The following ABCC1 variants were observed in gnomAD, a reference collection of about 807,000 sequenced individuals.
The protein encoded by ABCC1 is ATP binding cassette subfamily C member 1 (ABCC1 blood group).
ABCC1 carries 83 observed loss-of-function variants against 172.9 expected under a neutral mutation model. The observed-to-expected ratio is 0.48, with a 90% CI of 0.40 to 0.58. The LOEUF (loss-of-function observed/expected upper bound fraction) is 0.58, where lower values mean the gene tolerates loss of function less well. Among genes scored for constraint, ABCC1 ranks in the 20% least tolerant of loss-of-function variants. The pLI is 0.00. For synonymous variants in ABCC1, 937 were observed against 825.2 expected (o/e 1.14, Z -2.32); for missense variants, 1,817 against 2,002.7 (o/e 0.91, Z 1.77).
At position 16,111,554 on chromosome 16, in the gene ABCC1, C is replaced by T. The variant is rs752591113; in HGVS notation, c.3051C>T (p.Ser1017=). The change falls in exon 22 of 31, where the codon AGC becomes AGT. Residue 1017 remains serine (S), a synonymous_variant. Coordinates refer to ENST00000399410, the MANE Select transcript of ABCC1 (RefSeq NM_004996.4). ...GTQEHTKVRL[S]VYGALGISQG... ...AGGAGCACACGAAAGTCCGGCTGAG[C>T]GTCTATGGAGCCCTGGGCATTTCAC... The T allele has an allele frequency of 2.2e-5, 35 of 1,613,562 alleles. No homozygotes were observed. Among genetic ancestry groups the T allele is most frequent in the Admixed American group, 8.3e-5 (5 of 59,994 alleles).
Position 16,056,239 on chromosome 16 carries a change from A to G in ABCC1, c.1621A>G (p.Lys541Glu). 2 of 1,614,220 alleles carry G rather than the reference A, an allele frequency of 1.2e-6. No homozygotes were observed. Among genetic ancestry groups the G allele is most frequent in the Non-Finnish European group, 1.7e-6 (2 of 1,180,040 alleles). ...GCAGGAGGAGCTGAAGGTGCTGAAG[A>G]AGTCTGCCTACCTGTCAGCCGTGGG... The part of the protein sequence containing the change: ...IRQEELKVLK[K>E]SAYLSAVGTF... The change falls in exon 12 of 31, where the codon AAG (lysine) becomes GAG (glutamate). Residue 541 changes from lysine to glutamate, a missense_variant. This residue lies in a region of ABCC1 where 1,412 missense variants were observed against 1,600.3 expected (regional missense o/e 0.88). Coordinates refer to ENST00000399410, the MANE Select transcript of ABCC1 (RefSeq NM_004996.4).
intron 14 of ABCC1, among the ~76,000 whole-genome samples, chr16:16,074,504 C>G (rs1033954540): frequency 3.3e-5 from 5 of 152,166 alleles, no homozygotes; most frequent in African/African-American, 1.2e-4. Context: ...GTTCACAGCT[C>G]AATGCAAGCA....
chr16:16,133,266 AACTGTTCCTACGT>A (rs1355728565), intron 27 of ABCC1, among the ~76,000 whole-genome samples: 3 of 152,132 alleles, frequency 2.0e-5, no homozygotes, highest in Non-Finnish European at 4.4e-5. Flanking sequence ...GGACTTATTG[AACTGTTCCTACGT>A]ACCTCCCACA....
At chr16:16,068,384 A>T in intron 13 of ABCC1, 82 bp downstream of exon 13, 1 of 1,532,786 alleles carries the variant, frequency 6.5e-7, no homozygotes, top group Non-Finnish European at 8.9e-7. Context: ...CCCCGAGCGC[A>T]GCCTCTAGAT....
rs138873550 is a variant in ABCC1, at chr16:16,137,594, A to G, written c.4293-770A>G. Reference sequence around the variant, plus strand: ...TTTTTGAGACGGAGGGTCTCACTCTATCACCCAGGCTGGAGTGCAGTGGCG... The same window carrying G: ...TTTTTGAGACGGAGGGTCTCACTCTGTCACCCAGGCTGGAGTGCAGTGGCG... On this transcript the variant is annotated intron_variant, in intron 29 of 30. Coordinates refer to ENST00000399410, the MANE Select transcript of ABCC1 (RefSeq NM_004996.4). 4.4e-3 allele frequency among the ~76,000 whole-genome samples: 506 copies of G among 113,914 alleles called. 2 individuals carry two copies. The highest frequency in any genetic ancestry group is 0.017 in the African/African-American group (481 of 28,412). The allele number at this position is 113,914 out of a possible 152,430, so 74.7% of individuals were successfully genotyped here. A position where few individuals can be genotyped will look rare whatever the true frequency, so the allele number is the denominator to read the frequency against.
intron 1 of ABCC1, among the ~76,000 whole-genome samples, chr16:15,983,005 T>C (rs1467355212): frequency 1.3e-5 from 2 of 152,076 alleles, no homozygotes; most frequent in Non-Finnish European, 2.9e-5. Flanking sequence ...TGTCATATAA[T>C]GTATAAGGTA....
At chr16:15,953,389 C>T (rs1271304687) in intron 1 of ABCC1, among the ~76,000 whole-genome samples, 1 of 151,942 alleles carries the variant, frequency 6.6e-6, no homozygotes, top group Non-Finnish European at 1.5e-5. Flanking sequence ...TATGGAAAAG[C>T]AGAGGAAACA....
chr16:16,075,680 ACT>A (rs1350438377), intron 14 of ABCC1, among the ~76,000 whole-genome samples: 1 of 151,570 alleles, frequency 6.6e-6, no homozygotes, highest in Admixed American at 6.6e-5. Flanking sequence ...TGTCTCCGAC[ACT>A]CTCCCCTTCC....
intron 1 of ABCC1, among the ~76,000 whole-genome samples, chr16:15,950,127 G>A (rs1249729848): frequency 1.3e-5 from 2 of 151,974 alleles, no homozygotes; most frequent in Non-Finnish European, 2.9e-5. Flanking sequence ...TCCAGGGAAG[G>A]GGACGCTAGA....
At chr16:16,087,016 G>C in intron 18 of ABCC1, 25 bp downstream of exon 18, 2 of 1,613,390 alleles carry the variant, frequency 1.2e-6, no homozygotes, top group Non-Finnish European at 1.7e-6. Flanking sequence ...GGTGGGGCTT[G>C]GTGTTGGGCC....
chr16:16,073,916 G>T (rs1166751351), intron 14 of ABCC1, among the ~76,000 whole-genome samples: 2 of 152,228 alleles, frequency 1.3e-5, no homozygotes, highest in East Asian at 3.9e-4. Context: ...CGCGTGAGCT[G>T]TGTCTGGCAC....
chr16:15,979,288 TCAAACAAA>T (rs751137467), intron 1 of ABCC1, among the ~76,000 whole-genome samples: 3,671 of 151,888 alleles, frequency 0.024, 52 homozygotes, highest in Middle Eastern at 0.031. Flanking sequence ...AGACTCTGTC[TCAAACAAA>T]CAAACAAACA....
At chr16:15,993,182 C>T (rs988627058) in intron 1 of ABCC1, among the ~76,000 whole-genome samples, 1 of 152,148 alleles carries the variant, frequency 6.6e-6, no homozygotes, top group African/African-American at 2.4e-5. Context: ...CTGTGACTAG[C>T]CCAGGTCTAG....
chr16:16,139,159 T>C lies in ABCC1; in HGVS notation c.4487+601T>C, dbSNP rs544112558. Among the ~76,000 whole-genome samples the C allele has an allele frequency of 5.3e-5, 8 of 152,304 alleles. No individual in the cohort carries two copies. The South Asian group carries it at 1.4e-3, about 28-fold the overall frequency. On this transcript the variant is annotated intron_variant, in intron 30 of 30. Coordinates refer to ENST00000399410, the MANE Select transcript of ABCC1 (RefSeq NM_004996.4). ...TATTAGATGGAGGAGACAAAAAATA[T>C]ACAGAGCAATAAACCAACAGGATTC... is the stretch of plus-strand genomic sequence containing the variant.
chr16:15,978,416 C>A (rs2046542816), intron 1 of ABCC1, among the ~76,000 whole-genome samples: 1 of 152,096 alleles, frequency 6.6e-6, no homozygotes, highest in Non-Finnish European at 1.5e-5. Context: ...CAGGTATTGT[C>A]CTTGCTGTAT....
At chr16:16,020,342 T>A (rs1214166036) in intron 5 of ABCC1, among the ~76,000 whole-genome samples, 1 of 152,222 alleles carries the variant, frequency 6.6e-6, no homozygotes, top group Admixed American at 6.5e-5. Context: ...TGACACTCTC[T>A]GTCCAGGAAG....
chr16:16,054,436 T>C (rs1029064221), intron 11 of ABCC1, among the ~76,000 whole-genome samples: 4 of 152,108 alleles, frequency 2.6e-5, no homozygotes, highest in Non-Finnish European at 4.4e-5. Context: ...TGCCTTTTGG[T>C]CTATAATGGA....
At chr16:16,117,248 C>T (rs996377715) in intron 23 of ABCC1, among the ~76,000 whole-genome samples, 1 of 152,150 alleles carries the variant, frequency 6.6e-6, no homozygotes, top group Non-Finnish European at 1.5e-5. Flanking sequence ...GCAAACATGT[C>T]CTTCTTCACA....
chr16:15,975,112 T>C (rs1178458955), intron 1 of ABCC1, among the ~76,000 whole-genome samples: 2 of 152,138 alleles, frequency 1.3e-5, no homozygotes, highest in Non-Finnish European at 2.9e-5. Flanking sequence ...TAAGCACAGC[T>C]CTTCGGCAGT....
Sources: gnomAD v4.1 joint callset for allele counts (sites outside exome capture counted in the v4.1 genomes callset) on GRCh38, gnomAD v4.1.1 for gene constraint, gnomAD v4.1.1 regional missense constraint, MANE v1.5 for transcripts, NCBI Gene and HGNC (gene_info 2026-07-23, HGNC 2026-07-21) for gene names.